Variants in STRN observed in about 807,000 individuals in gnomAD.
STRN encodes the protein striatin, also known as protein phosphatase 2 regulatory subunit B'''alpha.
STRN carries 53 observed loss-of-function variants against 96.3 expected under a neutral mutation model. The observed-to-expected ratio is 0.55, with a 90% confidence interval of 0.44 to 0.69. The LOEUF is 0.69. Among genes scored for constraint, STRN ranks in the 30% least tolerant of loss-of-function variants. The pLI is 0.00. For synonymous variants in STRN, 428 were observed against 355.9 expected (o/e 1.20, Z -2.28); for missense variants, 987 against 963.9 (o/e 1.02, Z -0.32).
At chr2:36,853,602 G>A (rs893874996) in intron 15 of STRN, among the ~76,000 whole-genome samples, 1 of 152,124 alleles carries the variant, frequency 6.6e-6, no homozygotes, top group African/African-American at 2.4e-5. Flanking sequence ...AACTACCTTT[G>A]ACTTTACCAC....
chr2:36,875,796 A>G (rs1323674853), intron 10 of STRN, among the ~76,000 whole-genome samples: 1 of 151,624 alleles, frequency 6.6e-6, no homozygotes, highest in African/African-American at 2.4e-5. Context: ...AGCTGGGACT[A>G]CAGGCACCCG....
At chr2:36,872,273 G>A (rs1477410341) in intron 10 of STRN, among the ~76,000 whole-genome samples, 1 of 152,216 alleles carries the variant, frequency 6.6e-6, no homozygotes, top group Non-Finnish European at 1.5e-5. Context: ...GGGGGAGCCA[G>A]CTGCCATGCT....
intron 2 of STRN, among the ~76,000 whole-genome samples, chr2:36,924,811 C>G (rs562338198): frequency 6.6e-6 from 1 of 152,300 alleles, no homozygotes; most frequent in East Asian, 1.9e-4. Context: ...AATCCCAGCA[C>G]TTTAGGAGGC....
At chr2:36,955,251 CA>C (rs1423055356) in intron 1 of STRN, among the ~76,000 whole-genome samples, 1 of 152,168 alleles carries the variant, frequency 6.6e-6, no homozygotes, top group Non-Finnish European at 1.5e-5. Flanking sequence ...AACCAATTCA[CA>C]CAGTGACCTG....
chr2:36,857,876 C>T lies in STRN; in HGVS notation c.1817G>A (p.Ser606Asn). The change falls in exon 14 of 18, where the codon AGT (serine) becomes AAT (asparagine). Residue 606 changes from serine (S) to asparagine (N), a missense_variant. By Grantham distance (46) the Ser-to-Asn change is conservative. Transcript: ENST00000263918. ...WNTTEVAPAL[S>N]VFNDTKELGI... Reference sequence around the variant, plus strand: ...TGTACCTTTAGTATCATTAAATACACTTAGTGCTGGAGCAACCTCAGTTGT... The same window carrying T: ...TGTACCTTTAGTATCATTAAATACATTTAGTGCTGGAGCAACCTCAGTTGT... 6.2e-7 allele frequency: 1 copy of T among 1,613,972 alleles called. No homozygotes were observed. The highest frequency in any genetic ancestry group is 8.5e-7 in the Non-Finnish European group (1 of 1,179,916).
rs2148252256 is a variant in STRN, at chr2:36,940,250, A to G, written c.235-15042T>C. On this transcript the variant is annotated intron_variant, in intron 1 of 17. Transcript: ENST00000263918. ...GGAAAAGTAATAGAAGAAATATAAG[A>G]GAAATAATTTTAAAAAGGTTACCTT... 2.0e-5 allele frequency among the ~76,000 whole-genome samples: 3 copies of G among 152,322 alleles called. No individual in the cohort carries two copies. The South Asian group carries it at 6.2e-4, about 32-fold the overall frequency.
chr2:36,899,501 T>C lies in STRN; in HGVS notation c.795+22A>G, dbSNP rs142332002. 4.4e-5 allele frequency: 71 copies of C among 1,598,050 alleles called. No individual in the cohort carries two copies. In the African/African-American group the frequency reaches 8.4e-4, roughly 19 times the overall value. On this transcript the variant is annotated intron_variant, in intron 6 of 17. Transcript: ENST00000263918. ...ATTATAGTCCCTAAAAATATTTATATTGTATGAGTTATCTAACTCACTGTT... is the reference window on the plus strand; with the variant it reads ...ATTATAGTCCCTAAAAATATTTATACTGTATGAGTTATCTAACTCACTGTT...
rs1664677743 is a variant in STRN at position 36,948,725 on chromosome 2, G to T, written c.234+17505C>A. ...ATTTATAAGAAGCAAGTAAAAAACA[G>T]TACAAGGTAGCACACCCTAATTGCC... On this transcript the variant is annotated intron_variant, in intron 1 of 17. Transcript: ENST00000263918. 2.6e-5 allele frequency among the ~76,000 whole-genome samples: 4 copies of T among 152,128 alleles called. 1 individual carries two copies. The highest frequency in any genetic ancestry group is 2.6e-4 in the Admixed American group (4 of 15,266).
At chr2:36,902,396 C>A (rs970018272) in intron 5 of STRN, among the ~76,000 whole-genome samples, 188 bp downstream of exon 5, 2 of 152,046 alleles carry the variant, frequency 1.3e-5, no homozygotes, top group Non-Finnish European at 2.9e-5. Context: ...AAATAATATT[C>A]TTGAATTAAA....
At chr2:36,858,967 A>C (rs1668414759) in intron 13 of STRN, among the ~76,000 whole-genome samples, 1 of 152,226 alleles carries the variant, frequency 6.6e-6, no homozygotes. Context: ...CAGTTGAAGA[A>C]GAGGGGGAGA....
intron 1 of STRN, among the ~76,000 whole-genome samples, chr2:36,937,357 AAG>A (rs577033404): frequency 0.058 from 8,537 of 147,788 alleles, 365 homozygotes; most frequent in African/African-American, 0.12. Flanking sequence ...AAAAAAAAAA[AAG>A]AAAAGAAAAG....
intron 2 of STRN, 135 bp downstream of exon 2, chr2:36,924,970 T>G (rs1670370519): frequency 4.6e-6 from 3 of 654,824 alleles, no homozygotes; most frequent in Non-Finnish European, 8.0e-6. Flanking sequence ...GCAGGAGAAT[T>G]GCTTGAAACC....
At chr2:36,874,624 AT>A (rs1668852335) in intron 10 of STRN, among the ~76,000 whole-genome samples, 1 of 151,996 alleles carries the variant, frequency 6.6e-6, no homozygotes, top group African/African-American at 2.4e-5. Context: ...AGTGAAAAAA[AT>A]CAGACTACCA....
chr2:36,916,211 ATAG>A, intron 2 of STRN, 60 bp from the exon 3 acceptor site: 1 of 1,397,130 alleles, frequency 7.2e-7, no homozygotes. Flanking sequence ...AACATACACA[ATAG>A]TAGTAGTCAC....
intron 1 of STRN, among the ~76,000 whole-genome samples, chr2:36,957,744 C>CGTTT (rs1664926494): frequency 1.1e-5 from 1 of 89,208 alleles, no homozygotes; most frequent in African/African-American, 4.5e-5. Flanking sequence ...TTCTTTTTGT[C>CGTTT]TTTTTTTTTT....
intron 16 of STRN, 103 bp downstream of exon 16, chr2:36,850,897 T>C: frequency 1.2e-6 from 1 of 811,594 alleles, no homozygotes; most frequent in East Asian, 2.8e-5. Context: ...TCAGTGCCTA[T>C]TCCCTGACTA....
At chr2:36,867,784 G>A (rs777002583) in intron 12 of STRN, 30 bp downstream of exon 12, 26 of 1,439,544 alleles carry the variant, frequency 1.8e-5, no homozygotes, top group Admixed American at 6.4e-5. Flanking sequence ...AGAGATATCG[G>A]TTTAAAATAA....
intron 3 of STRN, 80 bp downstream of exon 3, chr2:36,915,998 C>A (rs1670087799): frequency 8.0e-7 from 1 of 1,250,554 alleles, no homozygotes; most frequent in African/African-American, 1.5e-5. Flanking sequence ...TAGAAAGTAA[C>A]TTACAGTTGT....
intron 12 of STRN, 85 bp downstream of exon 12, chr2:36,867,729 C>T: frequency 1.2e-6 from 1 of 850,636 alleles, no homozygotes; most frequent in South Asian, 2.5e-5. Flanking sequence ...CAAAGAATAC[C>T]TAGTAAGTGA....
Sources: allele counts gnomAD v4.1 joint callset (sites outside exome capture counted in the v4.1 genomes callset), GRCh38; gene constraint gnomAD v4.1.1; transcripts MANE v1.5; gene names NCBI Gene and HGNC (gene_info 2026-07-23, HGNC 2026-07-21).